The following PLCB1 variants were observed in gnomAD, a reference collection of about 807,000 sequenced individuals.
PLCB1 encodes phospholipase C beta 1.
In PLCB1, 46 loss-of-function variants were observed where a neutral mutation model predicts 161.8. That is an observed-to-expected ratio of 0.28 (90% CI 0.22 to 0.36). PLCB1 has a LOEUF of 0.36. Among genes scored for constraint, PLCB1 ranks in the 10% least tolerant of loss-of-function variants. The pLI is 1.00. For missense variants in PLCB1, 1,016 were observed against 1,472.5 expected, an observed-to-expected ratio of 0.69 and a Z score of 5.07; for synonymous variants, 517 against 503.7, an observed-to-expected ratio of 1.03 and a Z score of -0.35.
chr20:8,485,950 C>T (rs1400966837), intron 3 of PLCB1, among the ~76,000 whole-genome samples: 1 of 152,096 alleles, frequency 6.6e-6, no homozygotes, highest in Non-Finnish European at 1.5e-5. Flanking sequence ...TTAATTGACT[C>T]ACAGTTCCAC....
chr20:8,336,006 GGTA>G (rs1310512810), intron 2 of PLCB1, among the ~76,000 whole-genome samples: 17 of 152,132 alleles, frequency 1.1e-4, no homozygotes, highest in African/African-American at 4.1e-4. Flanking sequence ...AGGCAAGGCT[GGTA>G]GAGCAGCAGG....
chr20:8,143,870 G>A (rs1032421726), intron 1 of PLCB1, among the ~76,000 whole-genome samples: 2 of 152,282 alleles, frequency 1.3e-5, no homozygotes, highest in Middle Eastern at 3.4e-3. Context: ...TTTCAACCCT[G>A]GCACCATTGA....
In PLCB1 at chr20:8,884,557, A is replaced by G. The variant is rs1988106747; in HGVS notation, c.*2708A>G. ...TGAGTATCACCATACATTAATTAAT[A>G]CTCCTGTAGTAGATAAGCTGTCATT... is the stretch of plus-strand genomic sequence containing the variant. On this transcript the variant is annotated 3_prime_UTR_variant, in exon 32 of 32. Transcript: ENST00000338037. 1 of 152,496 alleles carries G rather than the reference A, an allele frequency of 6.6e-6. No individual in the cohort carries two copies. Among genetic ancestry groups the G allele is most frequent in the African/African-American group, 2.4e-5 (1 of 41,398 alleles). The allele number at this position is 152,496 out of a possible 1,614,324, so 9.4% of individuals were successfully genotyped here. A position where few individuals can be genotyped will look rare whatever the true frequency, so the allele number is the denominator to read the frequency against.
intron 31 of PLCB1, among the ~76,000 whole-genome samples, chr20:8,855,735 G>C (rs555097721): frequency 4.6e-5 from 7 of 151,992 alleles, no homozygotes; most frequent in African/African-American, 1.7e-4. Context: ...AACCATAAGG[G>C]GGGAAAACTA....
chr20:8,262,641 A>G (rs1981761239), intron 2 of PLCB1, among the ~76,000 whole-genome samples: 1 of 152,112 alleles, frequency 6.6e-6, no homozygotes, highest in African/African-American at 2.4e-5. Flanking sequence ...TGCTCCCCAA[A>G]ATTTGAGCTC....
At chr20:8,267,617 A>G (rs1334282031) in intron 2 of PLCB1, among the ~76,000 whole-genome samples, 1 of 152,072 alleles carries the variant, frequency 6.6e-6, no homozygotes, top group East Asian at 1.9e-4. Flanking sequence ...ACATGTTACA[A>G]TGTTATTTTC....
Position 8,276,980 on chromosome 20 carries a change from C to CTTCTTCT in PLCB1, c.178-94400_178-94394dup, listed in dbSNP as rs1555794683. On this transcript the variant is annotated intron_variant, in intron 2 of 31. Coordinates refer to ENST00000338037, the MANE Select transcript of PLCB1 (RefSeq NM_015192.4). ...TCTTCTTCTTCTTCTTCTTCTTCTT[C>CTTCTTCT]TTCTTCTTATTATTATTATTATTAT... Among the ~76,000 whole-genome samples, 3 of 96,846 alleles carry CTTCTTCT rather than the reference C, an allele frequency of 3.1e-5. No individual in the cohort carries two copies. The East Asian group carries it at 8.8e-4, about 29-fold the overall frequency. 63.5% of individuals were successfully genotyped at this position (96,846 alleles called of 152,430 possible).
intron 19 of PLCB1, among the ~76,000 whole-genome samples, chr20:8,736,385 G>A (rs769635312): frequency 5.3e-5 from 8 of 152,192 alleles, no homozygotes; most frequent in Non-Finnish European, 1.0e-4. Context: ...GAGATTAGGG[G>A]TAATGATAAA....
intron 2 of PLCB1, among the ~76,000 whole-genome samples, chr20:8,203,217 G>C (rs1978343380): frequency 6.6e-6 from 1 of 152,050 alleles, no homozygotes; most frequent in South Asian, 2.1e-4. Context: ...AATGGGAGTA[G>C]TCTGAACAAT....
intron 31 of PLCB1, among the ~76,000 whole-genome samples, chr20:8,862,382 G>C (rs770021271): frequency 1.3e-5 from 2 of 152,102 alleles, no homozygotes; most frequent in African/African-American, 4.8e-5. Context: ...CATTTTATTC[G>C]CAGCCTGTCT....
intron 2 of PLCB1, among the ~76,000 whole-genome samples, chr20:8,178,748 G>A (rs6055596): frequency 0.31 from 47,248 of 151,792 alleles, 9,446 homozygotes; most frequent in African/African-American, 0.58. Context: ...GTTTTCTTCA[G>A]GGGTATTTAC....
intron 2 of PLCB1, among the ~76,000 whole-genome samples, chr20:8,280,455 G>T (rs1230359653): frequency 1.3e-5 from 2 of 152,058 alleles, no homozygotes; most frequent in Non-Finnish European, 2.9e-5. Context: ...TTCTATTTGG[G>T]TTTTTAACTG....
In PLCB1 at chr20:8,884,245, T is replaced by TTAA. The variant is rs1312848653; in HGVS notation, c.*2402_*2404dup. The TTAA allele has an allele frequency of 2.0e-5, 3 of 152,582 alleles. No homozygotes were observed. Among genetic ancestry groups the TTAA allele is most frequent in the South Asian group, 2.1e-4 (1 of 4,828 alleles). The allele number at this position is 152,582 out of a possible 1,614,324, so 9.5% of individuals were successfully genotyped here. On this transcript the variant is annotated 3_prime_UTR_variant, in exon 32 of 32. Coordinates refer to ENST00000338037, the MANE Select transcript of PLCB1 (RefSeq NM_015192.4). ...GAAACTACTACAATGATACTATCAT[T>TTAA]TAATAATATTAATATTACTTGAAAT...
chr20:8,397,908 G>A (rs1024835824), intron 3 of PLCB1, among the ~76,000 whole-genome samples: 2 of 151,608 alleles, frequency 1.3e-5, no homozygotes, highest in African/African-American at 2.4e-5. Flanking sequence ...TATGCATAAG[G>A]CTACAATTTT....
At chr20:8,452,273 T>C (rs1981107037) in intron 3 of PLCB1, among the ~76,000 whole-genome samples, 1 of 152,204 alleles carries the variant, frequency 6.6e-6, no homozygotes, top group South Asian at 2.1e-4. Context: ...CCTCTTACCT[T>C]TTTGCTAAAA....
chr20:8,572,642 A>G (rs1332257516), intron 3 of PLCB1, among the ~76,000 whole-genome samples: 2 of 152,256 alleles, frequency 1.3e-5, no homozygotes, highest in Non-Finnish European at 2.9e-5. Flanking sequence ...AACAATGGAC[A>G]TGTATCTTGC....
chr20:8,733,898 G>A (rs1980428774), intron 19 of PLCB1, among the ~76,000 whole-genome samples: 1 of 149,366 alleles, frequency 6.7e-6, no homozygotes, highest in Non-Finnish European at 1.5e-5. Context: ...GAGGCAGGTG[G>A]ATCACGAGGT....
At chr20:8,180,110 G>A (rs62199965) in intron 2 of PLCB1, among the ~76,000 whole-genome samples, 30,039 of 151,640 alleles carry the variant, frequency 0.2, 3,355 homozygotes, top group African/African-American at 0.31. Flanking sequence ...CGCCCGCCTC[G>A]GCCTCCCAAA....
intron 12 of PLCB1, among the ~76,000 whole-genome samples, chr20:8,712,301 A>AC (rs1409228157): frequency 3.3e-5 from 5 of 152,168 alleles, no homozygotes; most frequent in African/African-American, 1.2e-4. Context: ...TCTCAAAAAA[A>AC]CTAAATTAAT....
Sources: allele counts gnomAD v4.1 joint callset (sites outside exome capture counted in the v4.1 genomes callset), GRCh38; gene constraint gnomAD v4.1.1; transcripts MANE v1.5; gene names NCBI Gene and HGNC (gene_info 2026-07-23, HGNC 2026-07-21).